Variants in CYSLTR1 observed in about 807,000 individuals in gnomAD.
CYSLTR1 encodes G-protein coupled receptor HG55.
In CYSLTR1, 1 loss-of-function variant was observed where a neutral mutation model predicts 2.1. The ratio of observed to expected loss-of-function variants is 0.48; its 90% CI spans 0.17 to 2.28. CYSLTR1 has a LOEUF of 2.28. Ranked by LOEUF, CYSLTR1 falls within the 30% of genes most tolerant of loss-of-function variation. CYSLTR1 has a pLI of 0.26. For synonymous variants in CYSLTR1, 110 were observed against 89.6 expected, an observed-to-expected ratio of 1.23 and a Z score of -1.28; for missense variants, 299 against 250.1, an observed-to-expected ratio of 1.20 and a Z score of -1.32.
intron 1 of CYSLTR1, among the ~76,000 whole-genome samples, chrX:78,318,347 G>T (rs1923505390): frequency 8.9e-6 from 1 of 111,862 alleles, no homozygotes; most frequent in Admixed American, 9.5e-5. Context: ...AGCACTCATG[G>T]ACACATATAA....
chrX:78,293,903 G>A (rs758532682), intron 1 of CYSLTR1, among the ~76,000 whole-genome samples: 13 of 111,217 alleles, frequency 1.2e-4, no homozygotes, highest in Non-Finnish European at 1.9e-4. Context: ...AAGGTTTTTA[G>A]CTTCTTTGTG....
chrX:78,302,198 C>T (rs982863292), intron 1 of CYSLTR1, among the ~76,000 whole-genome samples: 1 of 112,107 alleles, frequency 8.9e-6, no homozygotes, highest in African/African-American at 3.2e-5. Flanking sequence ...ACTGCCACCT[C>T]AAGCCCAAAG....
chrX:78,319,221 G>A (rs1046414089), intron 1 of CYSLTR1: 3 of 106,476 alleles, frequency 2.8e-5, no homozygotes, highest in South Asian at 4.4e-4. Flanking sequence ...CCATTAACTC[G>A]TCATTTAACA....
rs773347588 is a variant in CYSLTR1 at position 78,274,408 on chromosome X, C to T, written c.-27-635G>A. ...ATAGACCAATGGAACAGAACAGAGC[C>T]CTCAGAAATAATACCACACATCTAC... is the stretch of plus-strand genomic sequence containing the variant. On this transcript the variant is annotated intron_variant, in intron 2 of 2. Transcript: ENST00000373304. 5.4e-5 allele frequency among the ~76,000 whole-genome samples: 6 copies of T among 110,820 alleles called. No individual in the cohort carries two copies. In the South Asian group the frequency reaches 2.3e-3, roughly 43 times the overall value.
At chrX:78,290,921 C>T (rs1296066680) in intron 1 of CYSLTR1, among the ~76,000 whole-genome samples, 1 of 111,879 alleles carries the variant, frequency 8.9e-6, no homozygotes, top group Non-Finnish European at 1.9e-5. Flanking sequence ...ATTTGACTTC[C>T]TCTTTTCCTA....
At chrX:78,309,116 GT>G (rs1261418107) in intron 1 of CYSLTR1, among the ~76,000 whole-genome samples, 4 of 111,577 alleles carry the variant, frequency 3.6e-5, no homozygotes, top group Non-Finnish European at 7.5e-5. Context: ...TGTGTAGTTT[GT>G]CAAATACCAG....
Position 78,292,800 on chromosome X carries a change from T to C in CYSLTR1, c.-114-9260A>G, listed in dbSNP as rs200216235. Among the ~76,000 whole-genome samples the C allele has an allele frequency of 1.5e-3, 163 of 105,624 alleles. 1 individual carries two copies. The East Asian group carries it at 0.037, about 24-fold the overall frequency. The allele number at this position is 105,624 out of a possible 115,157, so 91.7% of individuals were successfully genotyped here. ...AAACTAGGATTGCAACCCCTGCTGT[T>C]TTTTTTTTTTTTGCTTTCCCTTTGC... is the stretch of plus-strand genomic sequence containing the variant. On this transcript the variant is annotated intron_variant, in intron 1 of 2. Coordinates refer to ENST00000373304, the MANE Select transcript of CYSLTR1 (RefSeq NM_006639.4).
chrX:78,326,203 G>C, intron 1 of CYSLTR1, among the ~76,000 whole-genome samples: 1 of 111,721 alleles, frequency 9.0e-6, no homozygotes, highest in Non-Finnish European at 1.9e-5. Context: ...AGTTCTAATT[G>C]AGCCATTAAT....
Position 78,273,385 on chromosome X carries a change from C to T in CYSLTR1, c.362G>A (p.Arg121Gln), listed in dbSNP as rs200459301. ...GACTGGAAAAACAATTGCAATGCAC[C>T]GGAAAAAGCTCATGGCTGTCATAAA... ...IFFMTAMSFF[R>Q]CIAIVFPVQN... The change falls in exon 3 of 3, where the codon CGG becomes CAG. Residue 121 changes from arginine to glutamine, a missense_variant. By Grantham distance (43) the Arg-to-Gln change is conservative (BLOSUM62 1). Transcript: ENST00000373304. The T allele has an allele frequency of 3.1e-5, 38 of 1,209,115 alleles. No individual in the cohort carries two copies. The highest frequency in any genetic ancestry group is 1.5e-4 in the Admixed American group (7 of 45,551).
At position 78,317,945 on chromosome X, in the gene CYSLTR1, A is replaced by G. The variant is rs1050657972; in HGVS notation, c.-115+9360T>C. The stretch of plus-strand genomic sequence containing the variant: ...CACCAAAGAACTTATGCATGTAACC[A>G]GAAACCACCTGTTCCCCCAATACTA... On this transcript the variant is annotated intron_variant, in intron 1 of 2. Coordinates refer to ENST00000373304, the MANE Select transcript of CYSLTR1 (RefSeq NM_006639.4). Among the ~76,000 whole-genome samples, 3 of 111,862 alleles carry G rather than the reference A, an allele frequency of 2.7e-5. No homozygotes were observed. In the Admixed American group the frequency reaches 2.8e-4, roughly 11 times the overall value.
chrX:78,280,925 T>A (rs1921812732), intron 2 of CYSLTR1, among the ~76,000 whole-genome samples: 1 of 112,378 alleles, frequency 8.9e-6, no homozygotes, highest in Non-Finnish European at 1.9e-5. Flanking sequence ...TCATTCTTTT[T>A]TATGGCTGCA....
intron 1 of CYSLTR1, among the ~76,000 whole-genome samples, chrX:78,326,073 G>A (rs1923852342): frequency 1.8e-5 from 2 of 111,663 alleles, no homozygotes; most frequent in African/African-American, 6.5e-5. Context: ...ATTTTATTTG[G>A]AGGAACCCTG....
chrX:78,287,717 A>G (rs1922132139), intron 1 of CYSLTR1, among the ~76,000 whole-genome samples: 1 of 111,780 alleles, frequency 8.9e-6, no homozygotes, highest in Non-Finnish European at 1.9e-5. Context: ...TTCTAGATAA[A>G]CTAGTGCATA....
In CYSLTR1 at chrX:78,273,314, C is replaced by T; in HGVS notation, c.433G>A (p.Val145Ile). 1.7e-6 allele frequency: 2 copies of T among 1,211,014 alleles called. No homozygotes were observed. The highest frequency in any genetic ancestry group is 2.2e-6 in the Non-Finnish European group (2 of 895,144). ...AAAATCACAAAAATCCAAATACCTA[C>T]ACACACAAACCTGGCTTTTTTCTGT... ...VTQKKARFVC[V>I]GIWIFVILTS... The change falls in exon 3 of 3, where the codon GTA becomes ATA. Residue 145 changes from valine (V) to isoleucine (I), a missense_variant. Val to Ile is a conservative substitution (Grantham distance 29). Coordinates refer to ENST00000373304, the MANE Select transcript of CYSLTR1 (RefSeq NM_006639.4).
At position 78,279,828 on chromosome X, in the gene CYSLTR1, A is replaced by T. The variant is rs320987; in HGVS notation, c.-28+3626T>A. ...TATGCAGTTGGAGGCCATTATCCTA[A>T]GAAAATTAATGCAGGACCAGAAAAT... On this transcript the variant is annotated intron_variant, in intron 2 of 2. Transcript: ENST00000373304. Among the ~76,000 whole-genome samples the T allele has an allele frequency of 1.2e-4, 13 of 110,437 alleles. No homozygotes were observed. In the East Asian group the frequency reaches 3.7e-3, roughly 32 times the overall value.
At chrX:78,284,888 T>A (rs1921994533) in intron 1 of CYSLTR1, among the ~76,000 whole-genome samples, 1 of 111,180 alleles carries the variant, frequency 9.0e-6, no homozygotes, top group Admixed American at 9.6e-5. Context: ...TGTACTCAGA[T>A]AATCATTTCT....
intron 2 of CYSLTR1, among the ~76,000 whole-genome samples, chrX:78,274,170 C>T (rs752989647): frequency 7.2e-4 from 80 of 111,407 alleles, no homozygotes; most frequent in Non-Finnish European, 1.2e-3. Context: ...TATATTTATA[C>T]CTATTTATTG....
intron 1 of CYSLTR1, among the ~76,000 whole-genome samples, chrX:78,315,949 G>C (rs982333615): frequency 2.5e-4 from 28 of 112,073 alleles, no homozygotes; most frequent in African/African-American, 8.8e-4. Context: ...GCAGGCCTGG[G>C]GTGATACCCA....
intron 1 of CYSLTR1, among the ~76,000 whole-genome samples, chrX:78,293,821 C>A (rs1285161068): frequency 8.9e-6 from 1 of 112,060 alleles, no homozygotes. Flanking sequence ...CCATGGTTTT[C>A]AGCTCCTTCA....
Sources: gnomAD v4.1 joint callset for allele counts (sites outside exome capture counted in the v4.1 genomes callset) on GRCh38, gnomAD v4.1.1 for gene constraint, MANE v1.5 for transcripts, NCBI Gene and HGNC (gene_info 2026-07-23, HGNC 2026-07-21) for gene names.